The following GALM variants were observed in gnomAD, a reference collection of about 807,000 sequenced individuals.
The protein encoded by GALM is aldose 1-epimerase.
In GALM, 43 loss-of-function variants were observed where a neutral mutation model predicts 37.4. The observed-to-expected ratio is 1.15, with a 90% CI of 0.90 to 1.48. GALM has a LOEUF of 1.48. Ranked by LOEUF, GALM falls within the 40% of genes most tolerant of loss-of-function variation. The pLI, the probability that GALM is intolerant of heterozygous loss-of-function variation, is 0.00. For synonymous variants in GALM, 199 were observed against 170.6 expected, an observed-to-expected ratio of 1.17 and a Z score of -1.30; for missense variants, 456 against 419.1, an observed-to-expected ratio of 1.09 and a Z score of -0.77.
intron 4 of GALM, among the ~76,000 whole-genome samples, chr2:38,697,318 G>A (rs769679989): frequency 1.5e-4 from 23 of 152,084 alleles, no homozygotes; most frequent in Non-Finnish European, 2.1e-4. Flanking sequence ...TTGATCAGCC[G>A]CCTGTTGACT....
chr2:38,727,281 A>G (rs1572545251), intron 4 of GALM, among the ~76,000 whole-genome samples: 1 of 151,660 alleles, frequency 6.6e-6, no homozygotes, highest in African/African-American at 2.4e-5. Context: ...TCGGTTAAAC[A>G]GTGGACACCC....
chr2:38,711,921 T>C (rs1666181145), intron 4 of GALM, among the ~76,000 whole-genome samples: 1 of 126,772 alleles, frequency 7.9e-6, no homozygotes, highest in African/African-American at 3.0e-5. Flanking sequence ...ACTGATTTAA[T>C]TCTCATAACA....
intron 4 of GALM, among the ~76,000 whole-genome samples, chr2:38,708,553 A>G (rs561076000): frequency 1.3e-5 from 2 of 152,188 alleles, no homozygotes; most frequent in South Asian, 4.2e-4. Flanking sequence ...CATCCCAGCT[A>G]ACATGGTGAA....
At chr2:38,677,086 T>C (rs543584715) in intron 2 of GALM, among the ~76,000 whole-genome samples, 3 of 152,330 alleles carry the variant, frequency 2.0e-5, no homozygotes, top group East Asian at 1.9e-4. Context: ...GGAAAGCAAA[T>C]TGATCGAACA....
chr2:38,733,009 TC>T (rs1666636548), intron 6 of GALM, among the ~76,000 whole-genome samples: 1 of 150,806 alleles, frequency 6.6e-6, no homozygotes, highest in South Asian at 2.1e-4. Context: ...TCACTTGAGG[TC>T]AGGAGTTCGA....
chr2:38,729,441 C>T (rs1666553767), intron 4 of GALM, 115 bp from the exon 5 acceptor site: 1 of 819,122 alleles, frequency 1.2e-6, no homozygotes, highest in Non-Finnish European at 1.8e-6. Context: ...CTCCCATCTC[C>T]TTAACAAATT....
At position 38,670,275 on chromosome 2, in the gene GALM, A is replaced by G. The variant is rs189336527; in HGVS notation, c.190+3924A>G. Among the ~76,000 whole-genome samples, 5 of 152,296 alleles carry G rather than the reference A, an allele frequency of 3.3e-5. No homozygotes were observed. In the East Asian group the frequency reaches 9.6e-4, roughly 29 times the overall value. ...CAGGTATAAACAACCTACCCATACA[A>G]TCATTGAAACGCCTTCCTTTTCATG... On this transcript the variant is annotated intron_variant, in intron 1 of 6. Transcript: ENST00000272252.
chr2:38,709,565 A>C (rs1161959318), intron 4 of GALM, among the ~76,000 whole-genome samples: 1 of 152,094 alleles, frequency 6.6e-6, no homozygotes, highest in African/African-American at 2.4e-5. Flanking sequence ...AAAAAAAAAA[A>C]AACATAAGAC....
chr2:38,667,935 A>G (rs1025058180), intron 1 of GALM, among the ~76,000 whole-genome samples: 3 of 152,218 alleles, frequency 2.0e-5, no homozygotes, highest in African/African-American at 7.2e-5. Context: ...GTCCTGCCCC[A>G]TACCCGGAGG....
intron 4 of GALM, among the ~76,000 whole-genome samples, chr2:38,712,665 A>G (rs1232034160): frequency 6.6e-6 from 1 of 152,188 alleles, no homozygotes; most frequent in East Asian, 1.9e-4. Context: ...TTCTGACTCC[A>G]GCAGTGCAAA....
chr2:38,731,958 A>G (rs1184132757), intron 6 of GALM, 49 bp downstream of exon 6: 1 of 1,439,108 alleles, frequency 6.9e-7, no homozygotes, highest in Admixed American at 1.7e-5. Flanking sequence ...CCAAGGTCAC[A>G]CTGTACGACA....
chr2:38,701,036 C>A (rs1367770901), intron 4 of GALM, among the ~76,000 whole-genome samples: 1 of 152,184 alleles, frequency 6.6e-6, no homozygotes, highest in Non-Finnish European at 1.5e-5. Flanking sequence ...TGAGACATGT[C>A]AGGCATTTAG....
intron 1 of GALM, among the ~76,000 whole-genome samples, chr2:38,672,430 C>A (rs561768531): frequency 6.6e-6 from 1 of 152,276 alleles, no homozygotes; most frequent in South Asian, 2.1e-4. Flanking sequence ...AAGCTATTTT[C>A]AGAAAGAGAA....
intron 1 of GALM, among the ~76,000 whole-genome samples, chr2:38,674,191 CTTTTTTT>C (rs202079509): frequency 1.8e-4 from 24 of 134,470 alleles, no homozygotes; most frequent in Non-Finnish European, 3.2e-4. Context: ...ACAGCTTATA[CTTTTTTT>C]TTTTTTTTTT....
intron 4 of GALM, among the ~76,000 whole-genome samples, chr2:38,724,199 A>T (rs944325251): frequency 3.9e-5 from 6 of 152,208 alleles, no homozygotes; most frequent in African/African-American, 1.4e-4. Flanking sequence ...GATTACAGAC[A>T]TGAGCCACCA....
At chr2:38,670,234 A>C in intron 1 of GALM, among the ~76,000 whole-genome samples, 1 of 152,134 alleles carries the variant, frequency 6.6e-6, no homozygotes, top group Admixed American at 6.5e-5. Flanking sequence ...TGCTGAAAAT[A>C]TTTGCTTATA....
chr2:38,733,046 C>G (rs569663812), intron 6 of GALM, among the ~76,000 whole-genome samples: 62 of 151,822 alleles, frequency 4.1e-4, no homozygotes, highest in African/African-American at 1.4e-3. Flanking sequence ...CATGACAAAA[C>G]CCTGTCTCTA....
intron 4 of GALM, among the ~76,000 whole-genome samples, chr2:38,706,309 T>C (rs1168848562): frequency 6.6e-6 from 1 of 150,500 alleles, no homozygotes; most frequent in Non-Finnish European, 1.5e-5. Flanking sequence ...AGCTGGAATT[T>C]TAACTTTAGA....
At chr2:38,671,949 G>C (rs1313667505) in intron 1 of GALM, among the ~76,000 whole-genome samples, 1 of 151,908 alleles carries the variant, frequency 6.6e-6, no homozygotes, top group African/African-American at 2.4e-5. Flanking sequence ...TGGCACCACT[G>C]CACTCCAGCC....
Sources: gnomAD v4.1 joint callset for allele counts (sites outside exome capture counted in the v4.1 genomes callset) on GRCh38, gnomAD v4.1.1 for gene constraint, MANE v1.5 for transcripts, NCBI Gene and HGNC (gene_info 2026-07-23, HGNC 2026-07-21) for gene names.